Variants in IMPG2 observed in about 807,000 individuals in gnomAD.
IMPG2 encodes the protein interphotoreceptor matrix proteoglycan 2, also known as IPM 200.
A neutral mutation model predicts 129.2 loss-of-function variants in IMPG2; 91 were observed. That is an observed-to-expected ratio of 0.70 (90% confidence interval 0.59 to 0.84). The LOEUF (loss-of-function observed/expected upper bound fraction) is 0.84. Ranked by LOEUF, IMPG2 falls within the 40% of genes least tolerant of loss-of-function variation. The pLI is 0.00. For synonymous variants in IMPG2, 510 were observed against 517.7 expected (o/e 0.99, Z 0.20); for missense variants, 1,430 against 1,461.7 (o/e 0.98, Z 0.35).
At chr3:101,264,464 T>C (rs574104820) in intron 9 of IMPG2, among the ~76,000 whole-genome samples, 10 of 152,098 alleles carry the variant, frequency 6.6e-5, no homozygotes, top group African/African-American at 2.4e-4. Context: ...ATGATCATCA[T>C]AATGATGCAG....
chr3:101,244,596 G>T lies in IMPG2; in HGVS notation c.1735C>A (p.Gln579Lys), dbSNP rs1706454284. The T allele has an allele frequency of 3.1e-6, 5 of 1,594,016 alleles. No individual in the cohort carries two copies. The highest frequency in any genetic ancestry group is 4.3e-6 in the Non-Finnish European group (5 of 1,171,158). ...LDSLTSKVKD[Q>K]LKVSPFLPDA... ...GGCAGGAAAGGGCTCACTTTTAATT[G>T]GTCTTTGACTTTGGAGGTCAAGGAG... Residue 579 changes from glutamine to lysine, a missense_variant, in exon 13 of 19, where the codon CAA becomes AAA. Gln to Lys is a moderately conservative substitution (Grantham distance 53, BLOSUM62 1). Coordinates refer to ENST00000193391, the MANE Select transcript of IMPG2 (RefSeq NM_016247.4).
chr3:101,302,064 G>A (rs1397331643), intron 3 of IMPG2, among the ~76,000 whole-genome samples: 4 of 152,100 alleles, frequency 2.6e-5, no homozygotes, highest in African/African-American at 9.7e-5. Flanking sequence ...CACTTGGCTC[G>A]TGCTGTCCTT....
At chr3:101,318,007 G>T (rs1022784774) in intron 2 of IMPG2, among the ~76,000 whole-genome samples, 2 of 151,774 alleles carry the variant, frequency 1.3e-5, no homozygotes, top group Non-Finnish European at 2.9e-5. Context: ...ATGGTGGCAT[G>T]TGCCTGTAAT....
chr3:101,308,070 G>A (rs1178629766), intron 2 of IMPG2, among the ~76,000 whole-genome samples: 1 of 152,242 alleles, frequency 6.6e-6, no homozygotes, highest in African/African-American at 2.4e-5. Context: ...TGATGTAAGA[G>A]GTGGACTCCC....
chr3:101,314,853 A>C (rs1478236672), intron 2 of IMPG2, among the ~76,000 whole-genome samples: 1 of 152,152 alleles, frequency 6.6e-6, no homozygotes, highest in East Asian at 1.9e-4. Context: ...TATAGGTTGA[A>C]CATCCCTAAT....
chr3:101,233,096 C>A (rs1011645042), intron 14 of IMPG2, 105 bp from the exon 15 acceptor site: 2 of 954,674 alleles, frequency 2.1e-6, no homozygotes, highest in African/African-American at 3.2e-5. Context: ...GGGACAACTC[C>A]TTTCCAGAAC....
At chr3:101,237,771 G>T (rs899101326) in intron 14 of IMPG2, among the ~76,000 whole-genome samples, 1 of 152,068 alleles carries the variant, frequency 6.6e-6, no homozygotes, top group African/African-American at 2.4e-5. Context: ...GGAAAAACCA[G>T]CACAAAAAGG....
rs1706189582 is a variant in IMPG2 at position 101,223,741 on chromosome 3, A to T, written c.*3228T>A. On this transcript the variant is annotated 3_prime_UTR_variant, in exon 19 of 19. Coordinates refer to ENST00000193391, the MANE Select transcript of IMPG2 (RefSeq NM_016247.4). ...GGCAAAAAAGAGAGAAAAGAATAAA[A>T]AAGAGAAAGTGGGGAGGAGCCAACC... The T allele has an allele frequency of 2.0e-5, 3 of 152,258 alleles. No homozygotes were observed. Among genetic ancestry groups the T allele is most frequent in the Admixed American group, 2.0e-4 (3 of 15,288 alleles). The allele number at this position is 152,258 out of a possible 1,614,324, so 9.4% of individuals were successfully genotyped here.
chr3:101,244,303 A>C lies in IMPG2; in HGVS notation c.2028T>G (p.Phe676Leu), dbSNP rs780140167. 6 of 1,614,024 alleles carry C rather than the reference A, an allele frequency of 3.7e-6. No individual in the cohort carries two copies. The highest frequency in any genetic ancestry group is 1.7e-5 in the Admixed American group (1 of 60,000). The change falls in exon 13 of 19, where the codon TTT becomes TTG. Residue 676 changes from phenylalanine to leucine, a missense_variant. Transcript: ENST00000193391. ...KYEHDDRSTH[F>L]PEEEPLSGPA... The stretch of plus-strand genomic sequence containing the variant: ...GCCCACTAAGAGGCTCTTCCTCTGG[A>C]AAGTGTGTGGATCTGTCATCATGTT...
At chr3:101,296,252 T>G (rs930802190) in intron 3 of IMPG2, among the ~76,000 whole-genome samples, 5 of 152,202 alleles carry the variant, frequency 3.3e-5, no homozygotes, top group African/African-American at 1.2e-4. Context: ...ATACCTAGTT[T>G]GTTGAGAGTT....
At chr3:101,230,569 C>T (rs1706274207) in intron 16 of IMPG2, among the ~76,000 whole-genome samples, 1 of 152,194 alleles carries the variant, frequency 6.6e-6, no homozygotes, top group African/African-American at 2.4e-5. Context: ...CATGCCTTTC[C>T]TTCGATGAGC....
chr3:101,314,556 G>A (rs986481736), intron 2 of IMPG2, among the ~76,000 whole-genome samples: 3 of 151,960 alleles, frequency 2.0e-5, no homozygotes, highest in African/African-American at 4.8e-5. Flanking sequence ...CTCATTCTTC[G>A]AAATCCAGGT....
Position 101,269,515 on chromosome 3 carries a change from C to A in IMPG2, c.887G>T (p.Arg296Met). The change falls in exon 8 of 19, where the codon AGG becomes ATG. Residue 296 changes from arginine (R) to methionine (M), a missense_variant and splice_region_variant. Transcript: ENST00000193391. ...TGCATATTTAGATAAGTCTATTTAC[C>A]TAAATTCAAGTACACGAATTTCCTT... is the stretch of plus-strand genomic sequence containing the variant. The part of the protein sequence containing the change: ...GYKEIRVLEF[R>M]SPKENDSGVD... 1 of 1,556,012 alleles carries A rather than the reference C, an allele frequency of 6.4e-7. No homozygotes were observed. Among genetic ancestry groups the A allele is most frequent in the Non-Finnish European group, 8.9e-7 (1 of 1,127,444 alleles).
chr3:101,277,264 A>T (rs1706848664), intron 4 of IMPG2, among the ~76,000 whole-genome samples: 1 of 152,228 alleles, frequency 6.6e-6, no homozygotes. Context: ...TCTAAACTGC[A>T]TGAGATTGGA....
intron 8 of IMPG2, 135 bp downstream of exon 8, chr3:101,269,380 A>G (rs1470751437): frequency 4.9e-6 from 3 of 614,342 alleles, no homozygotes; most frequent in African/African-American, 3.7e-5. Context: ...CAAGAATACT[A>G]ATTTACCAGA....
At chr3:101,319,982 G>A (rs1473058000) in intron 1 of IMPG2, 150 bp from the exon 2 acceptor site, 4 of 778,778 alleles carry the variant, frequency 5.1e-6, no homozygotes, top group East Asian at 2.6e-5. Flanking sequence ...GAAAAGAGGA[G>A]TGAGGCAGTC....
intron 2 of IMPG2, among the ~76,000 whole-genome samples, chr3:101,314,480 C>T (rs1263468465): frequency 6.6e-6 from 1 of 152,016 alleles, no homozygotes; most frequent in Non-Finnish European, 1.5e-5. Flanking sequence ...TGAAACTATA[C>T]CCAGCGTTTG....
intron 14 of IMPG2, among the ~76,000 whole-genome samples, chr3:101,242,344 A>G (rs1189931108): frequency 6.6e-6 from 1 of 152,222 alleles, no homozygotes; most frequent in African/African-American, 2.4e-5. Context: ...ACATGGATGC[A>G]AAAACTTAAA....
intron 3 of IMPG2, among the ~76,000 whole-genome samples, chr3:101,295,163 G>A (rs755804878): frequency 3.9e-5 from 6 of 152,294 alleles, no homozygotes; most frequent in South Asian, 2.1e-4. Context: ...CCATGCCTAC[G>A]TCCTGAATGG....
Sources: gnomAD v4.1 joint callset for allele counts (sites outside exome capture counted in the v4.1 genomes callset) on GRCh38, gnomAD v4.1.1 for gene constraint, MANE v1.5 for transcripts, NCBI Gene and HGNC (gene_info 2026-07-23, HGNC 2026-07-21) for gene names.